The following CRTAC1 variants were observed in gnomAD, a reference collection of about 807,000 sequenced individuals.
CRTAC1 encodes the protein cartilage acidic protein 1.
CRTAC1 carries 37 observed loss-of-function variants against 67.8 expected under a neutral mutation model. The observed-to-expected ratio is 0.55, with a 90% CI of 0.42 to 0.72. CRTAC1 has a LOEUF of 0.72. CRTAC1 is among the 30% of genes least tolerant of loss of function. The probability of loss-of-function intolerance (pLI) is 0.00; values close to 1 mark genes in which losing one functional copy is unlikely to be tolerated. For missense variants in CRTAC1, 780 were observed against 931.6 expected (o/e 0.84, Z 2.12); for synonymous variants, 348 against 371.0 (o/e 0.94, Z 0.71).
chr10:97,974,515 G>A (rs1189768984), intron 2 of CRTAC1, among the ~76,000 whole-genome samples: 2 of 152,140 alleles, frequency 1.3e-5, no homozygotes, highest in Non-Finnish European at 1.5e-5. Flanking sequence ...AGCCTCTTTC[G>A]ACACTTCCCA....
chr10:97,927,378 C>A (rs2136602356), intron 3 of CRTAC1, among the ~76,000 whole-genome samples: 1 of 152,330 alleles, frequency 6.6e-6, no homozygotes, highest in South Asian at 2.1e-4. Context: ...TTCAGAAAGT[C>A]CTGCAATGAA....
chr10:97,964,854 G>T (rs1042948292), intron 2 of CRTAC1, among the ~76,000 whole-genome samples: 1 of 152,148 alleles, frequency 6.6e-6, no homozygotes, highest in Non-Finnish European at 1.5e-5. Flanking sequence ...TAAGGCGCTT[G>T]TCATGATTTG....
chr10:97,874,835 G>C (rs545750193), intron 14 of CRTAC1, among the ~76,000 whole-genome samples: 1 of 152,202 alleles, frequency 6.6e-6, no homozygotes, highest in Admixed American at 6.5e-5. Flanking sequence ...ATTTAAAATG[G>C]CATTCCACCT....
intron 7 of CRTAC1, 53 bp from the exon 8 acceptor site, chr10:97,901,692 G>A: frequency 1.9e-6 from 3 of 1,607,256 alleles, no homozygotes; most frequent in Non-Finnish European, 1.7e-6. Context: ...TGGGGCGGGA[G>A]GCCAGCTCTC....
intron 11 of CRTAC1, among the ~76,000 whole-genome samples, chr10:97,884,740 C>T (rs1259789465): frequency 6.6e-6 from 1 of 152,128 alleles, no homozygotes; most frequent in Non-Finnish European, 1.5e-5. Flanking sequence ...AGCTCTTGAA[C>T]TCACGTTCTA....
intron 11 of CRTAC1, among the ~76,000 whole-genome samples, chr10:97,894,063 G>C (rs1490333768): frequency 6.6e-6 from 1 of 152,208 alleles, no homozygotes; most frequent in Non-Finnish European, 1.5e-5. Context: ...CAAATGTAAA[G>C]ATGTTTGTGT....
intron 2 of CRTAC1, among the ~76,000 whole-genome samples, chr10:98,009,512 G>A (rs1842866355): frequency 6.6e-6 from 1 of 152,176 alleles, no homozygotes. Flanking sequence ...CCGTGAGGCA[G>A]GCCAGTAGAT....
chr10:97,963,611 C>T (rs1232348889), intron 2 of CRTAC1, among the ~76,000 whole-genome samples: 2 of 152,148 alleles, frequency 1.3e-5, no homozygotes, highest in East Asian at 3.8e-4. Flanking sequence ...ATGACCTCTG[C>T]TTTTAAAACT....
rs2051792125 is a variant in CRTAC1, at chr10:97,975,864, C to T, written c.224+35274G>A. On this transcript the variant is annotated intron_variant, in intron 2 of 14. Coordinates refer to ENST00000370597, the MANE Select transcript of CRTAC1 (RefSeq NM_018058.7). The surrounding 1 kb of genome is among the most constrained non-coding windows in gnomAD (Gnocchi z 4.8). ...GGGCCCCCAATGAGGAGCTAGCTCC[C>T]GGCTGCCCCTTGAGGTCATGAAGCC... Among the ~76,000 whole-genome samples, 2 of 152,200 alleles carry T rather than the reference C, an allele frequency of 1.3e-5. No individual in the cohort carries two copies. Among genetic ancestry groups the T allele is most frequent in the Admixed American group, 1.3e-4 (2 of 15,290 alleles).
intron 2 of CRTAC1, among the ~76,000 whole-genome samples, chr10:97,938,605 T>C (rs2051125678): frequency 1.3e-5 from 2 of 152,158 alleles, no homozygotes; most frequent in African/African-American, 2.4e-5. Flanking sequence ...GGCCTGTTCA[T>C]TTTTCCCCCT....
At chr10:97,989,234 G>C (rs79217937) in intron 2 of CRTAC1, among the ~76,000 whole-genome samples, 1 of 151,980 alleles carries the variant, frequency 6.6e-6, no homozygotes, top group Non-Finnish European at 1.5e-5. Flanking sequence ...ATCACATGCC[G>C]ATTCCTCATA....
intron 2 of CRTAC1, among the ~76,000 whole-genome samples, chr10:97,952,291 G>T (rs1564909535): frequency 6.6e-6 from 1 of 151,848 alleles, no homozygotes; most frequent in African/African-American, 2.4e-5. Context: ...GGCGGAGCTT[G>T]CAGTGAGCTG....
rs144499289 is a variant in CRTAC1, at chr10:98,018,549, G to A, written c.25-7212C>T. Among the ~76,000 whole-genome samples the A allele has an allele frequency of 6.7e-3, 1,021 of 152,286 alleles. 18 individuals carry two copies. The highest frequency in any genetic ancestry group is 0.023 in the African/African-American group (940 of 41,544). On this transcript the variant is annotated intron_variant, in intron 1 of 14. Transcript: ENST00000370597. ...CCAAACTCAGTTTTCTGTGGCCTCA[G>A]GACTTTCCTGAATTGGGCCTGGAAA...
At chr10:97,890,319 G>T (rs977513737) in intron 11 of CRTAC1, among the ~76,000 whole-genome samples, 1 of 152,124 alleles carries the variant, frequency 6.6e-6, no homozygotes, top group Non-Finnish European at 1.5e-5. Flanking sequence ...ATGTTGCCTA[G>T]GCTGGTCTTG....
intron 5 of CRTAC1, among the ~76,000 whole-genome samples, chr10:97,914,834 G>C (rs2050735954): frequency 6.6e-6 from 1 of 152,194 alleles, no homozygotes; most frequent in Non-Finnish European, 1.5e-5. Flanking sequence ...GGATGGGAGA[G>C]TGGTCTTCCT....
intron 8 of CRTAC1, among the ~76,000 whole-genome samples, chr10:97,899,144 T>C (rs535376080): frequency 1.8e-4 from 27 of 152,316 alleles, no homozygotes; most frequent in Admixed American, 4.6e-4. Flanking sequence ...GGGGTTAAAC[T>C]TCCAGAGCTG....
intron 5 of CRTAC1, among the ~76,000 whole-genome samples, chr10:97,911,760 G>A (rs1419364858): frequency 3.3e-5 from 5 of 152,184 alleles, no homozygotes; most frequent in African/African-American, 1.2e-4. Context: ...TTCAGCAAAT[G>A]TCTTCTACCA....
chr10:98,028,038 C>CT (rs777183075), intron 1 of CRTAC1, among the ~76,000 whole-genome samples: 16 of 152,344 alleles, frequency 1.1e-4, no homozygotes, highest in Non-Finnish European at 2.4e-4. Context: ...AGGCTCCTTG[C>CT]TTCTGGCTCT....
intron 11 of CRTAC1, among the ~76,000 whole-genome samples, chr10:97,885,789 C>G (rs564959159): frequency 6.6e-6 from 1 of 152,148 alleles, no homozygotes; most frequent in Non-Finnish European, 1.5e-5. Flanking sequence ...TGTGGGGACA[C>G]GGGGTCCTGC....
Sources: allele counts gnomAD v4.1 joint callset (sites outside exome capture counted in the v4.1 genomes callset), GRCh38; gene constraint gnomAD v4.1.1; non-coding constraint Gnocchi (gnomAD v3.1); transcripts MANE v1.5; gene names NCBI Gene and HGNC (gene_info 2026-07-23, HGNC 2026-07-21).